The following SPOCK1 variants were observed in gnomAD, a reference collection of about 807,000 sequenced individuals.
SPOCK1 encodes SPARC (osteonectin), cwcv and kazal like domains proteoglycan 1.
In SPOCK1, 23 loss-of-function variants were observed where a neutral mutation model predicts 55.3. The ratio of observed to expected loss-of-function variants is 0.42; its 90% CI spans 0.30 to 0.59. SPOCK1 has a LOEUF of 0.59. Ranked by LOEUF, SPOCK1 falls within the 20% of genes least tolerant of loss-of-function variation. The probability of loss-of-function intolerance (pLI) is 0.22; values close to 1 mark genes in which losing one functional copy is unlikely to be tolerated. For missense variants in SPOCK1, 499 were observed against 552.5 expected, an observed-to-expected ratio of 0.90 and a Z score of 0.97; for synonymous variants, 226 against 221.0, an observed-to-expected ratio of 1.02 and a Z score of -0.20.
chr5:137,342,388 C>T (rs1194930148), intron 2 of SPOCK1, among the ~76,000 whole-genome samples: 1 of 152,152 alleles, frequency 6.6e-6, no homozygotes, highest in African/African-American at 2.4e-5. Context: ...TTTCAGCTCA[C>T]CCCATGGAAT....
intron 8 of SPOCK1, among the ~76,000 whole-genome samples, chr5:136,987,154 G>A (rs1561571588): frequency 6.6e-6 from 1 of 151,888 alleles, no homozygotes; most frequent in Non-Finnish European, 1.5e-5. Flanking sequence ...GAATTTAAGT[G>A]AACAGCAAAA....
chr5:137,426,962 G>T (rs1462610194), intron 2 of SPOCK1, among the ~76,000 whole-genome samples: 1 of 152,166 alleles, frequency 6.6e-6, no homozygotes, highest in Non-Finnish European at 1.5e-5. Flanking sequence ...TGCACTGCTG[G>T]GAAGCAGCTT....
chr5:137,110,382 T>A (rs1395672417), intron 5 of SPOCK1, among the ~76,000 whole-genome samples: 3 of 152,192 alleles, frequency 2.0e-5, no homozygotes, highest in Non-Finnish European at 4.4e-5. Flanking sequence ...ATGTCAGACC[T>A]GTCATCTCAG....
intron 3 of SPOCK1, among the ~76,000 whole-genome samples, chr5:137,180,261 C>T (rs1754944850): frequency 6.9e-6 from 1 of 144,320 alleles, no homozygotes; most frequent in South Asian, 2.2e-4. Context: ...TTTTGTACAG[C>T]AAAAAGATGC....
chr5:137,411,354 C>A (rs1386539940), intron 2 of SPOCK1, among the ~76,000 whole-genome samples: 1 of 151,970 alleles, frequency 6.6e-6, no homozygotes, highest in African/African-American at 2.4e-5. Flanking sequence ...GGAGGGTGTT[C>A]TATAGGATCA....
intron 3 of SPOCK1, among the ~76,000 whole-genome samples, chr5:137,143,270 C>T (rs903383330): frequency 6.6e-6 from 1 of 152,164 alleles, no homozygotes; most frequent in Non-Finnish European, 1.5e-5. Flanking sequence ...TCAAAATCTG[C>T]AGTACTACAT....
At chr5:137,200,224 G>A (rs1198657741) in intron 3 of SPOCK1, among the ~76,000 whole-genome samples, 1 of 152,094 alleles carries the variant, frequency 6.6e-6, no homozygotes, top group Non-Finnish European at 1.5e-5. Context: ...CAGGCCAGAT[G>A]CACCCTTTTG....
chr5:137,257,951 CT>C (rs1005811606), intron 3 of SPOCK1, among the ~76,000 whole-genome samples: 2 of 152,224 alleles, frequency 1.3e-5, no homozygotes, highest in Admixed American at 1.3e-4. Flanking sequence ...CTCACCAAGT[CT>C]GTGAGTTCTT....
intron 2 of SPOCK1, among the ~76,000 whole-genome samples, chr5:137,331,520 G>A (rs371828211): frequency 8.4e-4 from 128 of 152,294 alleles, no homozygotes; most frequent in African/African-American, 2.9e-3. Context: ...TAATTGGCTC[G>A]TAGTTCTGCA....
At chr5:137,439,235 G>C (rs1185556478) in intron 2 of SPOCK1, among the ~76,000 whole-genome samples, 1 of 152,178 alleles carries the variant, frequency 6.6e-6, no homozygotes, top group Non-Finnish European at 1.5e-5. Flanking sequence ...AATGCTGGAT[G>C]AAGAGTCAAA....
intron 2 of SPOCK1, among the ~76,000 whole-genome samples, chr5:137,433,674 A>G (rs144524739): frequency 4.1e-4 from 62 of 152,264 alleles, no homozygotes; most frequent in African/African-American, 1.5e-3. Context: ...GGCCAGTCCT[A>G]ACCTCCCAAA....
At chr5:137,165,575 G>T (rs530414564) in intron 3 of SPOCK1, among the ~76,000 whole-genome samples, 5 of 152,110 alleles carry the variant, frequency 3.3e-5, no homozygotes, top group Admixed American at 6.6e-5. Context: ...ACTAAATAAG[G>T]CACCAGGGAC....
chr5:137,138,526 C>CACA, intron 4 of SPOCK1, among the ~76,000 whole-genome samples: 1 of 151,238 alleles, frequency 6.6e-6, no homozygotes, highest in South Asian at 2.1e-4. Context: ...CACACACACA[C>CACA]ACCACACACA....
At chr5:137,275,754 C>A (rs1287975346) in intron 2 of SPOCK1, among the ~76,000 whole-genome samples, 2 of 152,210 alleles carry the variant, frequency 1.3e-5, no homozygotes, top group Non-Finnish European at 2.9e-5. Context: ...GAGTCTCCAG[C>A]TCATTAGACA....
At chr5:137,310,319 A>G (rs1395877593) in intron 2 of SPOCK1, among the ~76,000 whole-genome samples, 1 of 152,224 alleles carries the variant, frequency 6.6e-6, no homozygotes, top group Non-Finnish European at 1.5e-5. Context: ...GAGCTCAGGA[A>G]AAAAGTAAGC....
intron 3 of SPOCK1, among the ~76,000 whole-genome samples, chr5:137,162,516 G>A (rs1754579658): frequency 6.6e-6 from 1 of 152,078 alleles, no homozygotes; most frequent in Admixed American, 6.6e-5. Flanking sequence ...CCCTGCCTCG[G>A]TAGTCATTTA....
At chr5:137,067,486 C>A (rs76402469) in intron 6 of SPOCK1, among the ~76,000 whole-genome samples, 1,862 of 152,238 alleles carry the variant, frequency 0.012, 39 homozygotes, top group African/African-American at 0.042. Flanking sequence ...TCTAAAAGAA[C>A]CTAGTGGATA....
intron 3 of SPOCK1, among the ~76,000 whole-genome samples, chr5:137,213,951 G>C (rs1289594850): frequency 6.6e-6 from 1 of 152,212 alleles, no homozygotes; most frequent in East Asian, 1.9e-4. Context: ...ATGTGCATCT[G>C]TTCGTGTCTG....
At chr5:137,203,541 T>C (rs147517463) in intron 3 of SPOCK1, among the ~76,000 whole-genome samples, 9 of 152,330 alleles carry the variant, frequency 5.9e-5, no homozygotes, top group East Asian at 3.9e-4. Context: ...ATGTTCACTA[T>C]ATGATTTCCT....
Sources: allele counts gnomAD v4.1 joint callset (sites outside exome capture counted in the v4.1 genomes callset), GRCh38; gene constraint gnomAD v4.1.1; transcripts MANE v1.5; gene names NCBI Gene and HGNC (gene_info 2026-07-23, HGNC 2026-07-21).